The following RBFOX1 variants were observed in gnomAD, a reference collection of about 807,000 sequenced individuals.
RBFOX1 encodes the protein RNA binding fox-1 homolog 1, also known as RNA binding protein fox-1 homolog 1.
A neutral mutation model predicts 57.7 loss-of-function variants in RBFOX1; 8 were observed. That is an observed-to-expected ratio of 0.14 (90% CI 0.08 to 0.25). The LOEUF (loss-of-function observed/expected upper bound fraction) is 0.25, where lower values mean the gene tolerates loss of function less well. RBFOX1 is among the 10% of genes least tolerant of loss of function. The probability of loss-of-function intolerance (pLI) is 1.00; values close to 1 mark genes in which losing one functional copy is unlikely to be tolerated. For synonymous variants in RBFOX1, 326 were observed against 222.4 expected (o/e 1.47, Z -4.15); for missense variants, 611 against 548.5 (o/e 1.11, Z -1.14).
intron 1 of RBFOX1, among the ~76,000 whole-genome samples, chr16:5,324,257 G>A (rs573622448): frequency 5.3e-5 from 8 of 152,310 alleles, no homozygotes; most frequent in Admixed American, 2.0e-4. Context: ...GAAGTCAGGA[G>A]TTCGAAACCA....
chr16:5,539,174 G>A (rs548647790), intron 2 of RBFOX1, among the ~76,000 whole-genome samples: 3 of 152,308 alleles, frequency 2.0e-5, no homozygotes, highest in South Asian at 4.1e-4. Context: ...TGCAGGAAGT[G>A]CTGGGAGAGA....
At chr16:6,549,724 C>A (rs2096957303) in intron 2 of RBFOX1, among the ~76,000 whole-genome samples, 1 of 151,990 alleles carries the variant, frequency 6.6e-6, no homozygotes. Context: ...GCCTCATGAC[C>A]TACAGAGTAA....
At chr16:7,401,342 A>T (rs1303129747) in intron 4 of RBFOX1, among the ~76,000 whole-genome samples, 2 of 152,174 alleles carry the variant, frequency 1.3e-5, no homozygotes, top group African/African-American at 4.8e-5. Context: ...AAGGAGGTAA[A>T]CTTTGTTGAG....
chr16:7,654,825 G>C (rs2065920267), intron 12 of RBFOX1, among the ~76,000 whole-genome samples: 1 of 152,184 alleles, frequency 6.6e-6, no homozygotes, highest in African/African-American at 2.4e-5. Flanking sequence ...TGTCACAACA[G>C]GAATGGAGAG....
chr16:6,861,576 A>G (rs1170500629), intron 3 of RBFOX1, among the ~76,000 whole-genome samples: 1 of 144,808 alleles, frequency 6.9e-6, no homozygotes, highest in Non-Finnish European at 1.5e-5. Flanking sequence ...TTAGGCTCTC[A>G]TTTCATATGA....
chr16:5,620,958 A>G (rs2048183775), intron 3 of RBFOX1, among the ~76,000 whole-genome samples: 1 of 152,002 alleles, frequency 6.6e-6, no homozygotes, highest in South Asian at 2.1e-4. Context: ...CTCCTGCCTC[A>G]GCCTCCCAAG....
chr16:5,954,069 G>C (rs757537167), intron 4 of RBFOX1, among the ~76,000 whole-genome samples: 4 of 152,302 alleles, frequency 2.6e-5, no homozygotes, highest in Middle Eastern at 3.4e-3. Context: ...TGCACACTAT[G>C]CTACAGTGCA....
intron 4 of RBFOX1, among the ~76,000 whole-genome samples, chr16:7,306,934 A>G (rs1324019001): frequency 6.6e-6 from 1 of 152,188 alleles, no homozygotes; most frequent in Non-Finnish European, 1.5e-5. Context: ...ATCTGTAGCT[A>G]TTATTGGATC....
At chr16:6,971,784 C>T (rs932917593) in intron 3 of RBFOX1, among the ~76,000 whole-genome samples, 1 of 151,986 alleles carries the variant, frequency 6.6e-6, no homozygotes. Context: ...CACAGTCCTG[C>T]TTCTGTTGGG....
intron 4 of RBFOX1, among the ~76,000 whole-genome samples, chr16:7,339,916 C>G (rs562225299): frequency 4.6e-5 from 7 of 152,330 alleles, no homozygotes; most frequent in Non-Finnish European, 8.8e-5. Context: ...CTACTTGATC[C>G]TCACTCACAA....
At chr16:5,646,182 A>AT (rs55685218) in intron 3 of RBFOX1, among the ~76,000 whole-genome samples, 8,761 of 133,632 alleles carry the variant, frequency 0.066, 791 homozygotes, top group East Asian at 0.37. Context: ...GGCACGTGCT[A>AT]TTTTTTTTTT....
At chr16:7,110,319 C>T (rs1400123041) in intron 4 of RBFOX1, among the ~76,000 whole-genome samples, 1 of 151,928 alleles carries the variant, frequency 6.6e-6, no homozygotes. Context: ...TATGATCATG[C>T]CACTGCACTC....
At chr16:7,112,647 G>C (rs1212850450) in intron 4 of RBFOX1, among the ~76,000 whole-genome samples, 1 of 116,030 alleles carries the variant, frequency 8.6e-6, no homozygotes, top group East Asian at 2.5e-4. Flanking sequence ...CTTAAATGCA[G>C]CCTCAATATG....
chr16:6,283,317 C>G (rs187579523), intron 1 of RBFOX1, among the ~76,000 whole-genome samples: 26 of 152,164 alleles, frequency 1.7e-4, no homozygotes, highest in African/African-American at 6.0e-4. Flanking sequence ...AGAGCAAGAC[C>G]TCATCTCAAA....
At chr16:6,440,972 G>A (rs552525211) in intron 2 of RBFOX1, among the ~76,000 whole-genome samples, 1 of 152,238 alleles carries the variant, frequency 6.6e-6, no homozygotes, top group East Asian at 1.9e-4. Context: ...CTGCGTCTGT[G>A]GAGTGTATGG....
chr16:5,485,874 T>A (rs2069714841), intron 2 of RBFOX1, among the ~76,000 whole-genome samples: 1 of 152,186 alleles, frequency 6.6e-6, no homozygotes, highest in African/African-American at 2.4e-5. Context: ...ACTGTGATCT[T>A]CAGGATGTTA....
chr16:7,265,957 G>GGTTTT (rs1567956360), intron 4 of RBFOX1, among the ~76,000 whole-genome samples: 1 of 128,370 alleles, frequency 7.8e-6, no homozygotes. Context: ...AGATCTGGTG[G>GGTTTT]GTTTTTGTTT....
At chr16:6,304,227 G>T (rs946077875) in intron 1 of RBFOX1, among the ~76,000 whole-genome samples, 2 of 151,872 alleles carry the variant, frequency 1.3e-5, no homozygotes, top group African/African-American at 2.4e-5. Context: ...GGCGGAGATT[G>T]CAGTGAGCCG....
intron 4 of RBFOX1, among the ~76,000 whole-genome samples, chr16:5,956,218 A>G (rs1034483604): frequency 6.6e-6 from 1 of 152,132 alleles, no homozygotes; most frequent in African/African-American, 2.4e-5. Context: ...GGAGTTTGCA[A>G]TGAGCCGAGA....
Sources: gnomAD v4.1 joint callset for allele counts (sites outside exome capture counted in the v4.1 genomes callset) on GRCh38, gnomAD v4.1.1 for gene constraint, MANE v1.5 for transcripts, NCBI Gene and HGNC (gene_info 2026-07-23, HGNC 2026-07-21) for gene names.